Variants in DNAJC3 observed in about 807,000 individuals in gnomAD.
The protein encoded by DNAJC3 is DnaJ heat shock protein family (Hsp40) member C3.
DNAJC3 carries 38 observed loss-of-function variants against 68.6 expected under a neutral mutation model. The observed-to-expected ratio is 0.55, with a 90% CI of 0.43 to 0.73. The LOEUF is 0.73. Among genes scored for constraint, DNAJC3 ranks in the 30% least tolerant of loss-of-function variants. DNAJC3 has a pLI of 0.00. For synonymous variants in DNAJC3, 203 were observed against 204.0 expected (o/e 1.00, Z 0.04); for missense variants, 526 against 591.9 (o/e 0.89, Z 1.16).
intron 1 of DNAJC3, among the ~76,000 whole-genome samples, chr13:95,684,587 A>G (rs1163771365): frequency 1.3e-5 from 2 of 152,214 alleles, no homozygotes; most frequent in Non-Finnish European, 2.9e-5. Flanking sequence ...GAATTTGCAT[A>G]AGTAAAGAGG....
At chr13:95,722,815 G>GCCCCCCCCCCCCC (rs759729876) in intron 2 of DNAJC3, among the ~76,000 whole-genome samples, 1 of 15,336 alleles carries the variant, frequency 6.5e-5, no homozygotes, top group Non-Finnish European at 1.1e-4. Flanking sequence ...CACCTTGTCC[G>GCCCCCCCCCCCCC]CCCCCCCCCC....
chr13:95,780,529 C>T (rs769468065), intron 9 of DNAJC3, among the ~76,000 whole-genome samples: 3 of 152,204 alleles, frequency 2.0e-5, no homozygotes, highest in Non-Finnish European at 4.4e-5. Context: ...CTTCCCCCTT[C>T]GTCTTAGGTT....
intron 9 of DNAJC3, among the ~76,000 whole-genome samples, chr13:95,782,553 A>G (rs1883485249): frequency 6.6e-6 from 1 of 152,204 alleles, no homozygotes; most frequent in African/African-American, 2.4e-5. Context: ...TCTAATGACC[A>G]GTGATGATGA....
chr13:95,694,870 G>T (rs571407307), intron 1 of DNAJC3: 1 of 152,658 alleles, frequency 6.6e-6, no homozygotes, highest in East Asian at 1.9e-4. Flanking sequence ...GTTGGCCAAG[G>T]TTTATATTAT....
intron 2 of DNAJC3, 83 bp downstream of exon 2, chr13:95,709,420 A>G (rs1163116897): frequency 2.3e-5 from 22 of 945,400 alleles, no homozygotes; most frequent in Non-Finnish European, 1.9e-5. Flanking sequence ...AACATTTAAA[A>G]TAAACATTAT....
chr13:95,738,896 T>C (rs1361754381), intron 4 of DNAJC3, among the ~76,000 whole-genome samples: 2 of 152,188 alleles, frequency 1.3e-5, no homozygotes, highest in African/African-American at 2.4e-5. Context: ...TGCTCGTTAG[T>C]TGATGCAGTT....
intron 9 of DNAJC3, among the ~76,000 whole-genome samples, chr13:95,764,649 T>TAC (rs1566506564): frequency 1.9e-5 from 1 of 52,872 alleles, no homozygotes; most frequent in East Asian, 6.3e-4. Context: ...AGAATCCATA[T>TAC]ATATATATAT....
rs1283736850 is a variant in DNAJC3 at position 95,717,720 on chromosome 13, G to A, written c.194-5522G>A. Among the ~76,000 whole-genome samples, 6 of 152,202 alleles carry A rather than the reference G, an allele frequency of 3.9e-5. No individual in the cohort carries two copies. The South Asian group carries it at 6.2e-4, about 16-fold the overall frequency. On this transcript the variant is annotated intron_variant, in intron 2 of 11. Coordinates refer to ENST00000602402, the MANE Select transcript of DNAJC3 (RefSeq NM_006260.5). Reference sequence around the variant, plus strand: ...CGAGATCTGAAGATTTTATAAATTCGCTTGGCTCTCATTCTCTCTTGTCTG... The same window carrying A: ...CGAGATCTGAAGATTTTATAAATTCACTTGGCTCTCATTCTCTCTTGTCTG...
chr13:95,733,105 C>G (rs1881768835), intron 4 of DNAJC3, among the ~76,000 whole-genome samples: 1 of 152,034 alleles, frequency 6.6e-6, no homozygotes, highest in Non-Finnish European at 1.5e-5. Flanking sequence ...TATGTATATT[C>G]TACTGTTTTA....
At chr13:95,785,363 G>T (rs1015917312) in intron 9 of DNAJC3, among the ~76,000 whole-genome samples, 7 of 152,054 alleles carry the variant, frequency 4.6e-5, no homozygotes, top group African/African-American at 1.7e-4. Flanking sequence ...AGATAATGCG[G>T]GAGGGTGGGC....
chr13:95,764,040 T>G, intron 9 of DNAJC3, 87 bp downstream of exon 9: 2 of 1,537,950 alleles, frequency 1.3e-6, no homozygotes, highest in Non-Finnish European at 1.7e-6. Context: ...TAAAACAAAT[T>G]TACCAGAGTA....
rs184565063 is a variant in DNAJC3, at chr13:95,764,398, C to T, written c.1075+445C>T. ...CTCTATATATATATATATATATACT[C>T]GGTGTGTATAAAACATAAATACAGA... On this transcript the variant is annotated intron_variant, in intron 9 of 11. Coordinates refer to ENST00000602402, the MANE Select transcript of DNAJC3 (RefSeq NM_006260.5). 1.2e-3 allele frequency among the ~76,000 whole-genome samples: 168 copies of T among 140,498 alleles called. 1 individual carries two copies. The highest frequency in any genetic ancestry group is 4.6e-3 in the African/African-American group (161 of 34,660). The allele number at this position is 140,498 out of a possible 152,430, so 92.2% of individuals were successfully genotyped here.
At chr13:95,755,974 T>G (rs894119968) in intron 4 of DNAJC3, among the ~76,000 whole-genome samples, 33 of 152,160 alleles carry the variant, frequency 2.2e-4, no homozygotes, top group African/African-American at 7.7e-4. Flanking sequence ...ACTCCCTCTT[T>G]CCTGTTTCCA....
chr13:95,682,240 G>T (rs1879933272), intron 1 of DNAJC3, among the ~76,000 whole-genome samples: 1 of 152,160 alleles, frequency 6.6e-6, no homozygotes, highest in South Asian at 2.1e-4. Context: ...CCTTGCTAGA[G>T]TCTTGGCTTA....
chr13:95,695,269 T>C (rs1443356496), intron 1 of DNAJC3: 1 of 152,152 alleles, frequency 6.6e-6, no homozygotes, highest in Non-Finnish European at 1.5e-5. Context: ...AGGTCTAATA[T>C]TTCTCCTCCT....
chr13:95,786,246 G>GT (rs1883598955), intron 10 of DNAJC3, among the ~76,000 whole-genome samples, 175 bp downstream of exon 10: 1 of 152,138 alleles, frequency 6.6e-6, no homozygotes, highest in South Asian at 2.1e-4. Context: ...TTATAGGCAA[G>GT]TTTCTTTGAT....
chr13:95,775,140 T>C (rs1395477216), intron 9 of DNAJC3, among the ~76,000 whole-genome samples: 3 of 152,216 alleles, frequency 2.0e-5, no homozygotes, highest in African/African-American at 7.2e-5. Context: ...TTATATTGCA[T>C]TGTAGTCTTA....
At chr13:95,741,496 G>A (rs941640985) in intron 4 of DNAJC3, among the ~76,000 whole-genome samples, 24 of 152,296 alleles carry the variant, frequency 1.6e-4, no homozygotes, top group South Asian at 4.1e-4. Flanking sequence ...TCAAGGTGGC[G>A]TATGCTGGCA....
intron 4 of DNAJC3, among the ~76,000 whole-genome samples, chr13:95,726,691 C>T (rs1368788011): frequency 1.3e-5 from 2 of 152,038 alleles, no homozygotes; most frequent in African/African-American, 4.8e-5. Context: ...TCTTTTTATG[C>T]CCTCATTAGG....
Sources: allele counts gnomAD v4.1 joint callset (sites outside exome capture counted in the v4.1 genomes callset), GRCh38; gene constraint gnomAD v4.1.1; transcripts MANE v1.5; gene names NCBI Gene and HGNC (gene_info 2026-07-23, HGNC 2026-07-21).